Variants in AUTS2 observed in about 807,000 individuals in gnomAD.
AUTS2 encodes activator of transcription and developmental regulator AUTS2.
Under a neutral mutation model 112.4 loss-of-function variants are expected in AUTS2, and 17 were observed. The observed-to-expected ratio is 0.15, with a 90% CI of 0.10 to 0.23. The LOEUF is 0.23. AUTS2 is among the 10% of genes least tolerant of loss of function. The probability of loss-of-function intolerance (pLI) is 1.00; values close to 1 mark genes in which losing one functional copy is unlikely to be tolerated. For missense variants in AUTS2, 1,510 were observed against 1,701.6 expected, an observed-to-expected ratio of 0.89 and a Z score of 1.98; for synonymous variants, 751 against 702.7, an observed-to-expected ratio of 1.07 and a Z score of -1.09.
intron 1 of AUTS2, among the ~76,000 whole-genome samples, chr7:69,806,582 T>C (rs1305169017): frequency 6.6e-6 from 1 of 152,048 alleles, no homozygotes; most frequent in East Asian, 1.9e-4. Context: ...TTTACCCACA[T>C]CTCAGCCTCC....
chr7:69,817,458 C>G (rs902444205), intron 1 of AUTS2, among the ~76,000 whole-genome samples: 3 of 152,064 alleles, frequency 2.0e-5, no homozygotes, highest in African/African-American at 7.2e-5. Context: ...GCTAAGGGAA[C>G]CTTAGTGGTC....
At chr7:69,622,409 A>C (rs2129092471) in intron 1 of AUTS2, among the ~76,000 whole-genome samples, 1 of 152,330 alleles carries the variant, frequency 6.6e-6, no homozygotes, top group African/African-American at 2.4e-5. Context: ...CCTTTCAAAG[A>C]GCCCTAATGT....
At chr7:70,498,081 G>A (rs1423637713) in intron 5 of AUTS2, among the ~76,000 whole-genome samples, 1 of 152,180 alleles carries the variant, frequency 6.6e-6, no homozygotes, top group Non-Finnish European at 1.5e-5. Flanking sequence ...GTGAAAAGAA[G>A]TGGGAAGAGG....
intron 3 of AUTS2, among the ~76,000 whole-genome samples, chr7:70,131,955 T>G (rs993791467): frequency 1.3e-5 from 2 of 151,838 alleles, no homozygotes; most frequent in Admixed American, 6.6e-5. Context: ...AGTCTCTTTA[T>G]TTAATAGATG....
At chr7:69,662,233 T>C (rs1345272626) in intron 1 of AUTS2, among the ~76,000 whole-genome samples, 2 of 151,620 alleles carry the variant, frequency 1.3e-5, no homozygotes, top group African/African-American at 4.9e-5. Flanking sequence ...GTGTAGGAGA[T>C]GGGAAAAGTC....
intron 5 of AUTS2, among the ~76,000 whole-genome samples, chr7:70,540,824 GA>G (rs1800524747): frequency 6.6e-6 from 1 of 152,182 alleles, no homozygotes; most frequent in African/African-American, 2.4e-5. Flanking sequence ...TAGCATGACA[GA>G]ACGTCAGAGT....
intron 4 of AUTS2, among the ~76,000 whole-genome samples, chr7:70,319,628 C>T (rs899398218): frequency 6.6e-6 from 1 of 152,138 alleles, no homozygotes; most frequent in Non-Finnish European, 1.5e-5. Context: ...AAATTAGGGT[C>T]TCAGCCAACC....
intron 1 of AUTS2, among the ~76,000 whole-genome samples, chr7:69,818,185 A>G (rs1428681441): frequency 1.3e-5 from 2 of 152,152 alleles, no homozygotes; most frequent in Non-Finnish European, 2.9e-5. Flanking sequence ...TCAGAAACTA[A>G]GGTGGTGTGT....
rs534173206 is a variant in AUTS2 at position 70,163,342 on chromosome 7, GGT to G, written c.660+28773_660+28774del. 5.8e-3 allele frequency among the ~76,000 whole-genome samples: 399 copies of G among 68,496 alleles called. 31 individuals are homozygous for G. The highest frequency in any genetic ancestry group is 0.011 in the African/African-American group (203 of 18,382). The allele number at this position is 68,496 out of a possible 152,430, so 44.9% of individuals were successfully genotyped here. ...CCAAAGATGAGTGTTAGGTTGTGGT[GGT>G]GGGGGGGGGGGGGGCAGAGGGGGAG... On this transcript the variant is annotated intron_variant, in intron 4 of 18. Coordinates refer to ENST00000342771, the MANE Select transcript of AUTS2 (RefSeq NM_015570.4).
At chr7:69,750,326 A>C (rs961428063) in intron 1 of AUTS2, among the ~76,000 whole-genome samples, 2 of 151,186 alleles carry the variant, frequency 1.3e-5, no homozygotes, top group Non-Finnish European at 2.9e-5. Flanking sequence ...TTTCTGAGCC[A>C]AGTATTTCCA....
intron 2 of AUTS2, among the ~76,000 whole-genome samples, chr7:70,109,109 T>C (rs1240080083): frequency 6.6e-6 from 1 of 152,044 alleles, no homozygotes; most frequent in African/African-American, 2.4e-5. Flanking sequence ...TATTTGAGAG[T>C]GGTGGCTATT....
intron 1 of AUTS2, among the ~76,000 whole-genome samples, chr7:69,720,129 A>C (rs1229390276): frequency 6.6e-6 from 1 of 152,210 alleles, no homozygotes; most frequent in Non-Finnish European, 1.5e-5. Context: ...GTGTAAGAAA[A>C]TGGAAAGCTG....
intron 5 of AUTS2, among the ~76,000 whole-genome samples, chr7:70,545,967 T>C (rs1035449993): frequency 2.0e-5 from 3 of 152,224 alleles, no homozygotes; most frequent in African/African-American, 4.8e-5. Context: ...CTTTGTTTAC[T>C]TTCATATTGG....
At chr7:69,832,135 C>T (rs1430350899) in intron 1 of AUTS2, among the ~76,000 whole-genome samples, 1 of 152,170 alleles carries the variant, frequency 6.6e-6, no homozygotes, top group Non-Finnish European at 1.5e-5. Context: ...ACCGACAACC[C>T]CCTACCCTGC....
chr7:70,602,211 G>A (rs562462847), intron 5 of AUTS2, among the ~76,000 whole-genome samples: 24 of 152,262 alleles, frequency 1.6e-4, no homozygotes, highest in African/African-American at 3.6e-4. Flanking sequence ...GCCTCTGCAC[G>A]TATGATAACA....
chr7:69,626,151 A>G (rs1275433574), intron 1 of AUTS2, among the ~76,000 whole-genome samples: 1 of 152,194 alleles, frequency 6.6e-6, no homozygotes, highest in East Asian at 1.9e-4. Flanking sequence ...TGGCAGAGAC[A>G]CATAAGTAGG....
intron 2 of AUTS2, among the ~76,000 whole-genome samples, chr7:69,984,421 A>G (rs1232441172): frequency 1.3e-5 from 2 of 151,700 alleles, no homozygotes; most frequent in Non-Finnish European, 2.9e-5. Flanking sequence ...AAAAAAAAAA[A>G]AAAAAATTGA....
At chr7:70,422,369 G>T (rs374543133) in intron 4 of AUTS2, among the ~76,000 whole-genome samples, 3 of 152,298 alleles carry the variant, frequency 2.0e-5, no homozygotes, top group Admixed American at 1.3e-4. Context: ...AATGTGAAAA[G>T]AAATACAGTT....
At chr7:70,084,651 A>G (rs1803497752) in intron 2 of AUTS2, among the ~76,000 whole-genome samples, 1 of 152,042 alleles carries the variant, frequency 6.6e-6, no homozygotes, top group African/African-American at 2.4e-5. Context: ...GCACCTTTTC[A>G]TGTGTGATTT....
Sources: gnomAD v4.1 joint callset for allele counts (sites outside exome capture counted in the v4.1 genomes callset) on GRCh38, gnomAD v4.1.1 for gene constraint, MANE v1.5 for transcripts, NCBI Gene and HGNC (gene_info 2026-07-23, HGNC 2026-07-21) for gene names.